The following RB1 variants were observed in gnomAD, a reference collection of about 807,000 sequenced individuals.
RB1 encodes RB transcriptional corepressor 1.
A neutral mutation model predicts 135.4 loss-of-function variants in RB1; 18 were observed. The observed-to-expected ratio is 0.13, with a 90% CI of 0.09 to 0.20. The LOEUF (loss-of-function observed/expected upper bound fraction) is 0.20, where lower values mean the gene tolerates loss of function less well. Among genes scored for constraint, RB1 ranks in the 10% least tolerant of loss-of-function variants. RB1 has a pLI of 1.00. For missense variants in RB1, 868 were observed against 1,110.0 expected, an observed-to-expected ratio of 0.78 and a Z score of 3.10; for synonymous variants, 365 against 373.2, an observed-to-expected ratio of 0.98 and a Z score of 0.25.
intron 2 of RB1, among the ~76,000 whole-genome samples, chr13:48,309,934 C>G (rs1952117335): frequency 5.3e-5 from 8 of 152,086 alleles, no homozygotes; most frequent in African/African-American, 1.9e-4. Context: ...GGGAACTGGC[C>G]CAGTTTGAAT....
At chr13:48,479,655 ATTT>A (rs368203524) in intron 26 of RB1, among the ~76,000 whole-genome samples, 1 of 149,760 alleles carries the variant, frequency 6.7e-6, no homozygotes, top group South Asian at 2.1e-4. Context: ...TGGGGAGGGA[ATTT>A]TTTTTTTAAT....
At chr13:48,398,005 G>C (rs867560253) in intron 17 of RB1, among the ~76,000 whole-genome samples, 2 of 152,142 alleles carry the variant, frequency 1.3e-5, no homozygotes, top group Admixed American at 1.3e-4. Context: ...TACAACTCAG[G>C]AAGGCAAGTG....
chr13:48,474,043 G>T (rs1949489224), intron 24 of RB1, among the ~76,000 whole-genome samples: 1 of 152,154 alleles, frequency 6.6e-6, no homozygotes, highest in Admixed American at 6.5e-5. Context: ...GCCAGATGAA[G>T]AAATATTATA....
chr13:48,318,354 C>T, intron 2 of RB1: 1 of 1,433,930 alleles, frequency 7.0e-7, no homozygotes, highest in Non-Finnish European at 9.4e-7. Flanking sequence ...CCTGGGTTCC[C>T]TGCACCTCTT....
chr13:48,338,473 G>T (rs188300733), intron 2 of RB1, among the ~76,000 whole-genome samples: 1 of 152,198 alleles, frequency 6.6e-6, no homozygotes, highest in Admixed American at 6.5e-5. Flanking sequence ...GATCGAATCA[G>T]CTGCTGAAGC....
At chr13:48,476,885 C>T in intron 25 of RB1, 42 bp downstream of exon 25, 1 of 1,603,260 alleles carries the variant, frequency 6.2e-7, no homozygotes, top group Non-Finnish European at 8.5e-7. Flanking sequence ...CCGAGATGGT[C>T]ATCTGGGGAA....
At chr13:48,418,158 G>A (rs1948945786) in intron 17 of RB1, among the ~76,000 whole-genome samples, 1 of 152,184 alleles carries the variant, frequency 6.6e-6, no homozygotes, top group Non-Finnish European at 1.5e-5. Flanking sequence ...ACAAAGGGAA[G>A]CCCATCAGAC....
intron 17 of RB1, among the ~76,000 whole-genome samples, chr13:48,443,550 T>C (rs1221184960): frequency 6.6e-6 from 1 of 152,198 alleles, no homozygotes; most frequent in African/African-American, 2.4e-5. Flanking sequence ...AATGAGGTAA[T>C]ACATTCAAAT....
rs140025628 is a variant in RB1, at chr13:48,451,249, A to AGTATTAT, written c.1696-1741_1696-1735dup. Among the ~76,000 whole-genome samples, 343 of 152,266 alleles carry AGTATTAT rather than the reference A, an allele frequency of 2.3e-3. 1 individual carries two copies. Among genetic ancestry groups the AGTATTAT allele is most frequent in the African/African-American group, 7.7e-3 (320 of 41,552 alleles). Reference sequence around the variant, plus strand: ...GAATGCTTCCAGCTTTTCCCCATTCAGTATTATGTTGGCTGTGGATTTGTC... The same window carrying AGTATTAT: ...GAATGCTTCCAGCTTTTCCCCATTCAGTATTATGTATTATGTTGGCTGTGGATTTGTC... On this transcript the variant is annotated intron_variant, in intron 17 of 26. Coordinates refer to ENST00000267163, the MANE Select transcript of RB1 (RefSeq NM_000321.3).
chr13:48,422,128 C>G (rs949322507), intron 17 of RB1, among the ~76,000 whole-genome samples: 2 of 152,140 alleles, frequency 1.3e-5, no homozygotes, highest in Non-Finnish European at 2.9e-5. Context: ...AAATGCGCAT[C>G]AATGATAGAC....
intron 11 of RB1, among the ~76,000 whole-genome samples, chr13:48,371,881 A>G (rs1292581584): frequency 6.6e-6 from 1 of 152,040 alleles, no homozygotes; most frequent in Admixed American, 6.6e-5. Flanking sequence ...GCAAGTGAGC[A>G]TTACTGCCTG....
At chr13:48,400,460 G>A (rs1370723103) in intron 17 of RB1, among the ~76,000 whole-genome samples, 1 of 152,050 alleles carries the variant, frequency 6.6e-6, no homozygotes, top group African/African-American at 2.4e-5. Context: ...TTACTGTTTG[G>A]TATGTGCATT....
chr13:48,446,250 G>A (rs918388601), intron 17 of RB1, among the ~76,000 whole-genome samples: 1 of 152,152 alleles, frequency 6.6e-6, no homozygotes, highest in African/African-American at 2.4e-5. Context: ...GAGCCACCAT[G>A]CCTGGCCCCA....
At chr13:48,420,675 C>T (rs1171156690) in intron 17 of RB1, among the ~76,000 whole-genome samples, 1 of 152,168 alleles carries the variant, frequency 6.6e-6, no homozygotes, top group African/African-American at 2.4e-5. Flanking sequence ...AGCTGATAAG[C>T]AACTTCAGCA....
chr13:48,420,232 A>G (rs908291550), intron 17 of RB1, among the ~76,000 whole-genome samples: 2 of 152,238 alleles, frequency 1.3e-5, no homozygotes, highest in Non-Finnish European at 2.9e-5. Flanking sequence ...CTGGTTCAAC[A>G]TATGCAAATC....
At chr13:48,336,792 G>A (rs1235617085) in intron 2 of RB1, among the ~76,000 whole-genome samples, 1 of 151,788 alleles carries the variant, frequency 6.6e-6, no homozygotes, top group East Asian at 1.9e-4. Flanking sequence ...AATTTTGGAT[G>A]TTTCCTGCTT....
intron 2 of RB1, chr13:48,317,777 A>T (rs550380780): frequency 7.5e-5 from 28 of 374,418 alleles, no homozygotes; most frequent in South Asian, 2.3e-4. Context: ...TCTGCACCTC[A>T]TGGCCCTTCT....
chr13:48,471,567 T>TA (rs1321798115), intron 23 of RB1, among the ~76,000 whole-genome samples: 1,002 of 47,920 alleles, frequency 0.021, 11 homozygotes, highest in African/African-American at 0.047. Context: ...TAATAAAAAA[T>TA]ATAAATAAAA....
chr13:48,442,211 T>A (rs4151576), intron 17 of RB1, among the ~76,000 whole-genome samples: 4,006 of 152,204 alleles, frequency 0.026, 184 homozygotes, highest in African/African-American at 0.089. Flanking sequence ...ATTTTATTTT[T>A]TTTTTTTGAA....
Sources: allele counts gnomAD v4.1 joint callset (sites outside exome capture counted in the v4.1 genomes callset), GRCh38; gene constraint gnomAD v4.1.1; transcripts MANE v1.5; gene names NCBI Gene and HGNC (gene_info 2026-07-23, HGNC 2026-07-21).